Variants in RNF207 observed in about 807,000 individuals in gnomAD.
RNF207 encodes the protein OTTHUMG00000001089.
A neutral mutation model predicts 79.0 loss-of-function variants in RNF207; 72 were observed. That is an observed-to-expected ratio of 0.91 (90% CI 0.75 to 1.11). RNF207 has a LOEUF of 1.11. Ranked by LOEUF, RNF207 falls within the 50% of genes least tolerant of loss-of-function variation. The probability of loss-of-function intolerance (pLI) is 0.00; values close to 1 mark genes in which losing one functional copy is unlikely to be tolerated. For missense variants in RNF207, 936 were observed against 855.8 expected, an observed-to-expected ratio of 1.09 and a Z score of -1.17; for synonymous variants, 348 against 366.2, an observed-to-expected ratio of 0.95 and a Z score of 0.57.
intron 16 of RNF207, among the ~76,000 whole-genome samples, chr1:6,216,823 C>T (rs1004639137): frequency 1.3e-5 from 2 of 151,890 alleles, no homozygotes; most frequent in African/African-American, 4.8e-5. Flanking sequence ...CAGCCTCGGC[C>T]TCCCAAAGTG....
In RNF207 at chr1:6,211,857, C is replaced by G. The variant is rs201555075; in HGVS notation, c.1110-10C>G. ...CCACCCCCCTGCATCCACACTGGCT[C>G]TCTCCCCAGGCTGGCAGGGGGCTTA... On this transcript the variant is annotated splice_polypyrimidine_tract_variant and intron_variant, in intron 12 of 17. Coordinates refer to ENST00000377939, the MANE Select transcript of RNF207 (RefSeq NM_207396.3). This position sits in a 1 kb window ranked among gnomAD's most constrained non-coding sequence, Gnocchi z 4.2. The G allele has an allele frequency of 3.1e-5, 48 of 1,545,814 alleles. No individual in the cohort carries two copies. The East Asian group carries it at 6.9e-4, about 22-fold the overall frequency.
At chr1:6,212,074 C>T (rs751944331) in intron 13 of RNF207, 21 bp downstream of exon 13, 71 of 1,558,730 alleles carry the variant, frequency 4.6e-5, no homozygotes, top group Non-Finnish European at 5.4e-5. Flanking sequence ...AGGGATCTGC[C>T]GGAGGGGGGA....
In RNF207 at chr1:6,217,816, AC is replaced by A. The variant is rs1668411375; in HGVS notation, c.1653-471del. Reference sequence around the variant, plus strand: ...GCGGGGCTGGACAGCTCTCTTGGGGACCTTCCCTGTGCACCTGTGACCGTGT... The same window carrying A: ...GCGGGGCTGGACAGCTCTCTTGGGGACTTCCCTGTGCACCTGTGACCGTGT... On this transcript the variant is annotated intron_variant, in intron 16 of 17. Coordinates refer to ENST00000377939, the MANE Select transcript of RNF207 (RefSeq NM_207396.3). The surrounding 1 kb of genome is among the most constrained non-coding windows in gnomAD (Gnocchi z 4.2). Among the ~76,000 whole-genome samples the A allele has an allele frequency of 6.6e-6, 1 of 152,042 alleles. No homozygotes were observed. Among genetic ancestry groups the A allele is most frequent in the South Asian group, 2.1e-4 (1 of 4,806 alleles).
Position 6,207,539 on chromosome 1 carries a change from G to A in RNF207, c.324+28G>A. On this transcript the variant is annotated intron_variant, in intron 3 of 17. Transcript: ENST00000377939. This position sits in a 1 kb window ranked among gnomAD's most constrained non-coding sequence, Gnocchi z 4.5. The stretch of plus-strand genomic sequence containing the variant: ...AGGGGCGGCAGGGCGGGTGGGTGAG[G>A]AGCAGAGGGTACCCGGTTGCACAGT... The A allele has an allele frequency of 6.3e-7, 1 of 1,580,606 alleles. No individual in the cohort carries two copies. Among genetic ancestry groups the A allele is most frequent in the South Asian group, 1.1e-5 (1 of 87,206 alleles).
In RNF207 at chr1:6,220,848, CAGAT is replaced by C. The variant is rs372131889; in HGVS notation, c.*1444_*1447del. 407 of 152,220 alleles carry C rather than the reference CAGAT, an allele frequency of 2.7e-3. 4 individuals are homozygous for C. Among genetic ancestry groups the C allele is most frequent in the African/African-American group, 9.2e-3 (380 of 41,474 alleles). 9.4% of individuals were successfully genotyped at this position (152,220 alleles called of 1,614,324 possible). ...CAAGTTTTTGTGGCAAAATGATGCC[CAGAT>C]AGTCACATTTAAGCAAATATTCAGC... On this transcript the variant is annotated 3_prime_UTR_variant, in exon 18 of 18. Transcript: ENST00000377939.
In RNF207 at chr1:6,211,854, GCT is replaced by G; in HGVS notation, c.1110-7_1110-6del. The G allele has an allele frequency of 3.2e-6, 5 of 1,544,818 alleles. No homozygotes were observed. Among genetic ancestry groups the G allele is most frequent in the Non-Finnish European group, 4.4e-6 (5 of 1,144,246 alleles). ...TCCCCACCCCCCTGCATCCACACTG[GCT>G]CTCTCCCCAGGCTGGCAGGGGGCTT... On this transcript the variant is annotated splice_polypyrimidine_tract_variant and intron_variant, in intron 12 of 17. Coordinates refer to ENST00000377939, the MANE Select transcript of RNF207 (RefSeq NM_207396.3). The surrounding 1 kb of genome is among the most constrained non-coding windows in gnomAD (Gnocchi z 4.2).
At position 6,220,678 on chromosome 1, in the gene RNF207, C is replaced by T. The variant is rs903415512; in HGVS notation, c.*1271C>T. Reference sequence around the variant, plus strand: ...CTGCAGCCCTCCTGAGTCCGACTTCCGTTGATAGCAAGGCACTGGGTGGCA... The same window carrying T: ...CTGCAGCCCTCCTGAGTCCGACTTCTGTTGATAGCAAGGCACTGGGTGGCA... On this transcript the variant is annotated 3_prime_UTR_variant, in exon 18 of 18. Transcript: ENST00000377939. 4.0e-4 allele frequency: 61 copies of T among 152,184 alleles called. No individual in the cohort carries two copies. Among genetic ancestry groups the T allele is most frequent in the African/African-American group, 1.4e-3 (58 of 41,436 alleles). The allele number at this position is 152,184 out of a possible 1,614,324, so 9.4% of individuals were successfully genotyped here.
At chr1:6,219,152 A>T in intron 17 of RNF207, 84 bp from the exon 18 acceptor site, 1 of 1,267,004 alleles carries the variant, frequency 7.9e-7, no homozygotes, top group Non-Finnish European at 1.1e-6. Flanking sequence ...TTCCATTCTG[A>T]GTGCTTTGGC....
At chr1:6,206,508 C>A in intron 1 of RNF207, 28 bp from the exon 2 acceptor site, 1 of 1,518,854 alleles carries the variant, frequency 6.6e-7, no homozygotes, top group Non-Finnish European at 8.8e-7. Flanking sequence ...GTGCGTGCCC[C>A]AGCCGCCCGC....
intron 16 of RNF207, among the ~76,000 whole-genome samples, chr1:6,215,308 G>A (rs984117769): frequency 1.3e-5 from 2 of 151,356 alleles, no homozygotes; most frequent in Admixed American, 6.6e-5. Flanking sequence ...GATTACAGGC[G>A]TGAGCCACTG....
Position 6,206,540 on chromosome 1 carries a change from C to G in RNF207, c.5C>G (p.Ser2Trp), listed in dbSNP as rs927893945. 4.4e-6 allele frequency: 7 copies of G among 1,573,594 alleles called. No individual in the cohort carries two copies. Among genetic ancestry groups the G allele is most frequent in the Non-Finnish European group, 6.0e-6 (7 of 1,167,948 alleles). ...CCGCTTGCGCTGTCGCTGCAGATGT[C>G]GGGAGCTATCTTCGGGCCCCTGGAG... M[S>W]GAIFGPLEGP... Residue 2 changes from serine to tryptophan, a missense_variant, in exon 2 of 18, where the codon TCG becomes TGG. Physicochemically the swap from Ser to Trp is radical, Grantham distance 177. Transcript: ENST00000377939.
At position 6,211,759 on chromosome 1, in the gene RNF207, G is replaced by C. The variant is rs1557588468; in HGVS notation, c.1110-108G>C. 5.5e-6 allele frequency: 4 copies of C among 728,330 alleles called. No individual in the cohort carries two copies. The highest frequency in any genetic ancestry group is 6.8e-6 in the Non-Finnish European group (3 of 442,182). 45.1% of individuals were successfully genotyped at this position (728,330 alleles called of 1,614,324 possible). Reference sequence around the variant, plus strand: ...CTGGTGGCTCTGCTGTGCTCCAGGTGGTGGAGAGGGCTGTGAGATCCCGGA... The same window carrying C: ...CTGGTGGCTCTGCTGTGCTCCAGGTCGTGGAGAGGGCTGTGAGATCCCGGA... On this transcript the variant is annotated intron_variant, in intron 12 of 17. Transcript: ENST00000377939. This position sits in a 1 kb window ranked among gnomAD's most constrained non-coding sequence, Gnocchi z 4.2.
At chr1:6,208,663 C>T (rs1331029726) in intron 3 of RNF207, 1 of 551,500 alleles carries the variant, frequency 1.8e-6, no homozygotes, top group Non-Finnish European at 3.2e-6. Flanking sequence ...CCCCACCCCC[C>T]TCCACGGACC....
intron 3 of RNF207, chr1:6,208,555 C>T (rs1208203175): frequency 6.4e-6 from 2 of 312,702 alleles, no homozygotes; most frequent in East Asian, 1.7e-4. Flanking sequence ...GATCCGCCCG[C>T]CTCGGCCTCC....
At chr1:6,210,774 A>G in intron 10 of RNF207, 96 bp from the exon 11 acceptor site, 1 of 1,106,620 alleles carries the variant, frequency 9.0e-7, no homozygotes. Context: ...CACCAAGTCA[A>G]GTGCCAAAGA....
intron 10 of RNF207, 185 bp downstream of exon 10, chr1:6,210,623 C>G: frequency 3.2e-6 from 2 of 629,556 alleles, no homozygotes; most frequent in Non-Finnish European, 5.6e-6. Flanking sequence ...GACAGTGAAG[C>G]CAGGAAGGGG....
chr1:6,210,985 G>A, intron 11 of RNF207, 36 bp from the exon 12 acceptor site: 1 of 1,599,398 alleles, frequency 6.3e-7, no homozygotes. Context: ...CTGCAGGGCA[G>A]TGGAGGCCAC....
chr1:6,207,741 C>T lies in RNF207; in HGVS notation c.324+230C>T, dbSNP rs917573408. 1.4e-6 allele frequency: 1 copy of T among 692,050 alleles called. No individual in the cohort carries two copies. The highest frequency in any genetic ancestry group is 1.8e-5 in the African/African-American group (1 of 57,014). The allele number at this position is 692,050 out of a possible 1,614,324, so 42.9% of individuals were successfully genotyped here. On this transcript the variant is annotated intron_variant, in intron 3 of 17. Transcript: ENST00000377939. The surrounding 1 kb of genome is among the most constrained non-coding windows in gnomAD (Gnocchi z 4.5). ...TCCAGACAGTGGCAGAGGCTAAGGC[C>T]ATTCGATCTGGGGAGAGCTCACTGG... is the stretch of plus-strand genomic sequence containing the variant.
In RNF207 at chr1:6,209,174, C is replaced by G. The variant is rs201564865; in HGVS notation, c.529C>G (p.Arg177Gly). ...CGACAAGAAGTTGCTGTTGTGCATC[C>G]GCTGCTTCCGCGACATGCAGAAGTG... ...STDKKLLLCI[R>G]CFRDMQKESR... is the part of the protein sequence containing the mutation. The change falls in exon 5 of 18, where the codon CGC becomes GGC. Residue 177 changes from arginine to glycine, a missense_variant. Transcript: ENST00000377939. 1.3e-6 allele frequency: 2 copies of G among 1,555,784 alleles called. No individual in the cohort carries two copies. The highest frequency in any genetic ancestry group is 1.7e-6 in the Non-Finnish European group (2 of 1,149,332).
Sources: gnomAD v4.1 joint callset for allele counts (sites outside exome capture counted in the v4.1 genomes callset) on GRCh38, gnomAD v4.1.1 for gene constraint, Gnocchi (gnomAD v3.1) non-coding constraint, MANE v1.5 for transcripts, NCBI Gene and HGNC (gene_info 2026-07-23, HGNC 2026-07-21) for gene names.